CASZ1: variants seen among roughly 807,000 people sequenced by gnomAD.
CASZ1 encodes the protein castor zinc finger 1.
Under a neutral mutation model 135.2 loss-of-function variants are expected in CASZ1, and 28 were observed. The observed-to-expected ratio is 0.21, with a 90% CI of 0.15 to 0.28. The LOEUF (loss-of-function observed/expected upper bound fraction) is 0.28. CASZ1 is among the 10% of genes least tolerant of loss of function. The pLI is 1.00. For missense variants in CASZ1, 2,161 were observed against 2,453.3 expected, an observed-to-expected ratio of 0.88 and a Z score of 2.52; for synonymous variants, 1,068 against 1,073.4, an observed-to-expected ratio of 0.99 and a Z score of 0.10.
chr1:10,704,988 GC>G (rs1639142357), intron 3 of CASZ1, among the ~76,000 whole-genome samples: 1 of 152,256 alleles, frequency 6.6e-6, no homozygotes, highest in African/African-American at 2.4e-5. Flanking sequence ...CTCCCTGCCA[GC>G]CTCTTAGGGA....
intron 13 of CASZ1, 50 bp downstream of exon 13, chr1:10,650,642 T>G: frequency 6.7e-7 from 1 of 1,483,960 alleles, no homozygotes; most frequent in Non-Finnish European, 9.4e-7. Flanking sequence ...CAGCACAGCT[T>G]TAATTTCTCT....
At chr1:10,656,805 G>C (rs1642814533) in intron 7 of CASZ1, 69 bp from the exon 8 acceptor site, 1 of 1,050,364 alleles carries the variant, frequency 9.5e-7, no homozygotes, top group Non-Finnish European at 1.4e-6. Flanking sequence ...CCCAGCCCCA[G>C]CCCCAGGGAG....
intron 2 of CASZ1, among the ~76,000 whole-genome samples, chr1:10,737,034 C>A (rs1639812333): frequency 1.3e-5 from 2 of 152,220 alleles, no homozygotes; most frequent in African/African-American, 4.8e-5. Flanking sequence ...AGGCCCTTGG[C>A]AGTCCCCTGA....
intron 4 of CASZ1, among the ~76,000 whole-genome samples, chr1:10,671,332 A>G (rs1368970723): frequency 6.6e-6 from 1 of 152,170 alleles, no homozygotes; most frequent in Non-Finnish European, 1.5e-5. Context: ...GTGCGCGCGC[A>G]CACACGCTCG....
rs1639208147 is a variant in CASZ1 at position 10,707,829 on chromosome 1, G to C, written c.-76-2285C>G. Among the ~76,000 whole-genome samples, 1 of 152,164 alleles carries C rather than the reference G, an allele frequency of 6.6e-6. No individual in the cohort carries two copies. The highest frequency in any genetic ancestry group is 1.5e-5 in the Non-Finnish European group (1 of 68,030). ...ATATGAGTGAGTGGCCAGCACATCT[G>C]GGACCTGGTAGCTGACGTAGTTAAG... On this transcript the variant is annotated intron_variant, in intron 2 of 20. Transcript: ENST00000377022. This position sits in a 1 kb window ranked among gnomAD's most constrained non-coding sequence, Gnocchi z 5.0.
chr1:10,667,547 G>C (rs1643272833), intron 4 of CASZ1, among the ~76,000 whole-genome samples: 1 of 152,170 alleles, frequency 6.6e-6, no homozygotes, highest in African/African-American at 2.4e-5. Flanking sequence ...CTCGACCTCG[G>C]AGCTGCCCAG....
chr1:10,714,191 C>T (rs1639336076), intron 2 of CASZ1, among the ~76,000 whole-genome samples: 1 of 152,110 alleles, frequency 6.6e-6, no homozygotes, highest in South Asian at 2.1e-4. Context: ...CTGTAGTAGT[C>T]CCGCTACTGA....
intron 13 of CASZ1, 134 bp downstream of exon 13, chr1:10,650,558 C>T (rs952064059): frequency 2.8e-6 from 2 of 706,694 alleles, no homozygotes; most frequent in Admixed American, 2.4e-5. Flanking sequence ...GAAAAATGGC[C>T]TCAAAATTTA....
rs1639455527 is a variant in CASZ1, at chr1:10,719,431, T to C, written c.-76-13887A>G. Among the ~76,000 whole-genome samples the C allele has an allele frequency of 6.6e-6, 1 of 152,208 alleles. No homozygotes were observed. Among genetic ancestry groups the C allele is most frequent in the South Asian group, 2.1e-4 (1 of 4,834 alleles). ...AATGGTAGCCCAAGACAAGGGACCCTGAAATTCAAGGTGATGTCCTAAGGC... is the reference window on the plus strand; with the variant it reads ...AATGGTAGCCCAAGACAAGGGACCCCGAAATTCAAGGTGATGTCCTAAGGC... On this transcript the variant is annotated intron_variant, in intron 2 of 20. Transcript: ENST00000377022. The surrounding 1 kb of genome is among the most constrained non-coding windows in gnomAD (Gnocchi z 4.0).
At chr1:10,687,745 C>T (rs1398016924) in intron 4 of CASZ1, among the ~76,000 whole-genome samples, 2 of 152,200 alleles carry the variant, frequency 1.3e-5, no homozygotes, top group Non-Finnish European at 2.9e-5. Context: ...ATCCTGTCCC[C>T]ACTGGGCAGC....
intron 4 of CASZ1, among the ~76,000 whole-genome samples, chr1:10,670,833 C>T (rs1178674208): frequency 6.6e-6 from 1 of 152,208 alleles, no homozygotes; most frequent in African/African-American, 2.4e-5. Flanking sequence ...AGCTGTGACC[C>T]CTCCCCCACC....
chr1:10,638,646 C>T lies in CASZ1; in HGVS notation c.*296G>A. 1 of 155,296 alleles carries T rather than the reference C, an allele frequency of 6.4e-6. No individual in the cohort carries two copies. Among genetic ancestry groups the T allele is most frequent in the South Asian group, 2.1e-4 (1 of 4,878 alleles). 9.6% of individuals were successfully genotyped at this position (155,296 alleles called of 1,614,324 possible). On this transcript the variant is annotated 3_prime_UTR_variant, in exon 21 of 21. Transcript: ENST00000377022. This position sits in a 1 kb window ranked among gnomAD's most constrained non-coding sequence, Gnocchi z 5.9. ...GCCGCGGGGAGGGGCGCCGGGGCAG[C>T]GGCCGGGAGCTGCGCCGCATTCGCC...
chr1:10,782,970 T>C (rs1459298297), intron 1 of CASZ1, among the ~76,000 whole-genome samples: 2 of 152,226 alleles, frequency 1.3e-5, no homozygotes, highest in Non-Finnish European at 2.9e-5. Flanking sequence ...TGCCAAATTC[T>C]CATTTACTGT....
intron 4 of CASZ1, among the ~76,000 whole-genome samples, chr1:10,686,922 C>T (rs537260796): frequency 2.0e-4 from 30 of 152,332 alleles, no homozygotes; most frequent in African/African-American, 6.7e-4. Context: ...AGTGGAGAGC[C>T]GGGTCATCCT....
intron 4 of CASZ1, among the ~76,000 whole-genome samples, chr1:10,687,585 T>C (rs528543): frequency 0.021 from 3,140 of 152,284 alleles, 62 homozygotes; most frequent in African/African-American, 0.042. Context: ...CCTGGGTTTG[T>C]CTAGCTGGAG....
intron 11 of CASZ1, chr1:10,651,306 G>A (rs1642575042): frequency 5.6e-6 from 1 of 179,186 alleles, no homozygotes. Flanking sequence ...GGGCCTCCTG[G>A]AGGAGAAGGG....
chr1:10,723,837 G>A (rs867303508), intron 2 of CASZ1, among the ~76,000 whole-genome samples: 7 of 152,090 alleles, frequency 4.6e-5, no homozygotes, highest in African/African-American at 7.2e-5. Flanking sequence ...CTGCTCTCAC[G>A]GTCAGCTTCA....
intron 1 of CASZ1, among the ~76,000 whole-genome samples, chr1:10,768,078 G>C (rs571638000): frequency 6.6e-6 from 1 of 152,318 alleles, no homozygotes; most frequent in South Asian, 2.1e-4. Context: ...AGGATTCAGG[G>C]AGCCAGGCCA....
In CASZ1 at chr1:10,711,191, ATCCTGCCTCTGCTGCC is replaced by A. The variant is rs1383380279; in HGVS notation, c.-76-5663_-76-5648del. ...TCGAGTTGGTGAGAATTGAGTTTGA[ATCCTGCCTCTGCTGCC>A]TCCTGCCATGCAATTGGGTACGCAG... On this transcript the variant is annotated intron_variant, in intron 2 of 20. Coordinates refer to ENST00000377022, the MANE Select transcript of CASZ1 (RefSeq NM_001079843.3). The surrounding 1 kb of genome is among the most constrained non-coding windows in gnomAD (Gnocchi z 4.4). Among the ~76,000 whole-genome samples the A allele has an allele frequency of 4.6e-5, 7 of 152,200 alleles. No individual in the cohort carries two copies. The highest frequency in any genetic ancestry group is 1.7e-4 in the African/African-American group (7 of 41,450).
Sources: gnomAD v4.1 joint callset for allele counts (sites outside exome capture counted in the v4.1 genomes callset) on GRCh38, gnomAD v4.1.1 for gene constraint, Gnocchi (gnomAD v3.1) non-coding constraint, MANE v1.5 for transcripts, NCBI Gene and HGNC (gene_info 2026-07-23, HGNC 2026-07-21) for gene names.